Variants in SAMTOR observed in about 807,000 individuals in gnomAD.
SAMTOR encodes UPF0532 protein C7orf60.
At chr7:112,821,825 T>C in the SAMTOR span, 1 of 1,613,684 alleles carries the variant, frequency 6.2e-7, no homozygotes. Flanking sequence ...CTGAGTCATA[T>C]GGCGCATCAG....
chr7:112,868,652 A>G, the SAMTOR span, among the ~76,000 whole-genome samples: 1 of 152,236 alleles, frequency 6.6e-6, no homozygotes, highest in Non-Finnish European at 1.5e-5. Context: ...ACACAAAGTC[A>G]GTCACTGTTT....
At chr7:112,896,291 T>C in the SAMTOR span, among the ~76,000 whole-genome samples, 4 of 152,222 alleles carry the variant, frequency 2.6e-5, no homozygotes, top group African/African-American at 9.6e-5. Flanking sequence ...TCTTCTTATT[T>C]GCACTTAATT....
At chr7:112,898,687 G>A in the SAMTOR span, among the ~76,000 whole-genome samples, 1 of 152,204 alleles carries the variant, frequency 6.6e-6, no homozygotes, top group African/African-American at 2.4e-5. Flanking sequence ...GGCCAGCTGT[G>A]GTGGCCACAA....
chr7:112,925,827 A>G, the SAMTOR span, among the ~76,000 whole-genome samples: 2 of 151,976 alleles, frequency 1.3e-5, no homozygotes, highest in Non-Finnish European at 2.9e-5. Context: ...AACTTAAGAC[A>G]AAGACCTGGG....
chr7:112,891,419 T>A, the SAMTOR span, among the ~76,000 whole-genome samples: 1 of 152,258 alleles, frequency 6.6e-6, no homozygotes, highest in African/African-American at 2.4e-5. Flanking sequence ...CTTGTTATTA[T>A]CTATAGTTTT....
chr7:112,821,955 C>A, the SAMTOR span: 1 of 1,613,100 alleles, frequency 6.2e-7, no homozygotes, highest in Non-Finnish European at 8.5e-7. Context: ...ATATAACATT[C>A]CTGGGTAGTT....
chr7:112,936,206 C>G, the SAMTOR span, among the ~76,000 whole-genome samples: 1 of 152,066 alleles, frequency 6.6e-6, no homozygotes, highest in East Asian at 1.9e-4. Context: ...ATGAATATAA[C>G]CTCACTTTAA....
chr7:112,839,243 G>C, the SAMTOR span, among the ~76,000 whole-genome samples: 1 of 151,806 alleles, frequency 6.6e-6, no homozygotes, highest in South Asian at 2.1e-4. Context: ...TTAACACAAT[G>C]ATTTAAAATC....
the SAMTOR span, among the ~76,000 whole-genome samples, chr7:112,876,043 C>T: frequency 1.3e-5 from 2 of 152,140 alleles, no homozygotes; most frequent in African/African-American, 4.8e-5. Context: ...TCACCACAGC[C>T]TCCGCCTCCT....
At chr7:112,910,868 T>G in the SAMTOR span, among the ~76,000 whole-genome samples, 1 of 152,154 alleles carries the variant, frequency 6.6e-6, no homozygotes, top group African/African-American at 2.4e-5. Flanking sequence ...GGATACAGAT[T>G]ATCAGAACAG....
the SAMTOR span, among the ~76,000 whole-genome samples, chr7:112,880,778 A>G: frequency 1.2e-4 from 18 of 152,230 alleles, no homozygotes; most frequent in Admixed American, 1.2e-3. Flanking sequence ...ATTTCAAACT[A>G]GAAGCAAAAC....
the SAMTOR span, among the ~76,000 whole-genome samples, chr7:112,902,431 A>AAAC: frequency 1.8e-5 from 2 of 110,570 alleles, no homozygotes; most frequent in African/African-American, 8.3e-5. Flanking sequence ...AAAAAAAACA[A>AAAC]AAAAAAACAA....
the SAMTOR span, among the ~76,000 whole-genome samples, chr7:112,868,439 A>G: frequency 7.2e-5 from 11 of 152,332 alleles, no homozygotes; most frequent in African/African-American, 2.6e-4. Flanking sequence ...AGTATGTGAA[A>G]GGGGCAGTCT....
chr7:112,855,082 G>A, the SAMTOR span, among the ~76,000 whole-genome samples: 1 of 152,118 alleles, frequency 6.6e-6, no homozygotes, highest in Admixed American at 6.5e-5. Flanking sequence ...TAGATGAGGA[G>A]ACTAAGTCTT....
chr7:112,855,088 G>C, the SAMTOR span, among the ~76,000 whole-genome samples: 1 of 152,114 alleles, frequency 6.6e-6, no homozygotes, highest in Non-Finnish European at 1.5e-5. Flanking sequence ...AGGAGACTAA[G>C]TCTTAATACA....
the SAMTOR span, among the ~76,000 whole-genome samples, chr7:112,884,880 C>T: frequency 6.6e-6 from 1 of 152,198 alleles, no homozygotes. Context: ...TCCACACTGC[C>T]CTAGCAGAGG....
the SAMTOR span, among the ~76,000 whole-genome samples, chr7:112,851,729 G>A: frequency 6.6e-6 from 1 of 152,116 alleles, no homozygotes; most frequent in Non-Finnish European, 1.5e-5. Flanking sequence ...CTACGGAATG[G>A]GAGAAAATAT....
At chr7:112,912,774 T>TA in the SAMTOR span, among the ~76,000 whole-genome samples, 1 of 151,918 alleles carries the variant, frequency 6.6e-6, no homozygotes, top group African/African-American at 2.4e-5. Flanking sequence ...TCAGTTTACA[T>TA]AAAAAATGAC....
chr7:112,896,718 A>G, the SAMTOR span, among the ~76,000 whole-genome samples: 1 of 152,222 alleles, frequency 6.6e-6, no homozygotes, highest in Non-Finnish European at 1.5e-5. Flanking sequence ...GGACACAAAT[A>G]ATTACTATAT....
Sources: gnomAD v4.1 joint callset for allele counts (sites outside exome capture counted in the v4.1 genomes callset) on GRCh38, gnomAD v4.1.1 for gene constraint, MANE v1.5 for transcripts, NCBI Gene and HGNC (gene_info 2026-07-23, HGNC 2026-07-21) for gene names.